The following TTC29 variants were observed in gnomAD, a reference collection of about 807,000 sequenced individuals.
TTC29 encodes the protein tetratricopeptide repeat protein 29.
A neutral mutation model predicts 58.1 loss-of-function variants in TTC29; 49 were observed. The observed-to-expected ratio is 0.84, with a 90% CI of 0.67 to 1.07. TTC29 has a LOEUF of 1.07. Ranked by LOEUF, TTC29 falls within the 50% of genes least tolerant of loss-of-function variation. The probability of loss-of-function intolerance (pLI) is 0.00; values close to 1 mark genes in which losing one functional copy is unlikely to be tolerated. For missense variants in TTC29, 582 were observed against 555.6 expected (o/e 1.05, Z -0.48); for synonymous variants, 209 against 196.8 (o/e 1.06, Z -0.52).
At position 146,728,774 on chromosome 4, in the gene TTC29, CATATATATGTGTAT is replaced by C. The variant is rs1561066079; in HGVS notation, c.1331-21237_1331-21224del. 6.3e-3 allele frequency among the ~76,000 whole-genome samples: 777 copies of C among 124,040 alleles called. 24 individuals carry two copies. Among genetic ancestry groups the C allele is most frequent in the African/African-American group, 0.023 (715 of 31,074 alleles). The allele number at this position is 124,040 out of a possible 152,430, so 81.4% of individuals were successfully genotyped here. ...GAGGATATATGTACATATATATACA[CATATATATGTGTAT>C]ATATACGTATATATACACATATATA... On this transcript the variant is annotated intron_variant, in intron 11 of 12. Transcript: ENST00000325106.
At chr4:146,865,071 C>T (rs1018185559) in intron 8 of TTC29, among the ~76,000 whole-genome samples, 1 of 152,146 alleles carries the variant, frequency 6.6e-6, no homozygotes, top group Admixed American at 6.5e-5. Flanking sequence ...GGGACTTAAG[C>T]TTCACATATA....
chr4:146,835,628 G>C (rs1157819899), intron 8 of TTC29, among the ~76,000 whole-genome samples: 3 of 151,986 alleles, frequency 2.0e-5, no homozygotes, highest in Non-Finnish European at 4.4e-5. Context: ...AACCCTCAAG[G>C]CATTTACAGT....
At chr4:146,860,883 C>A (rs1730188018) in intron 8 of TTC29, among the ~76,000 whole-genome samples, 1 of 152,084 alleles carries the variant, frequency 6.6e-6, no homozygotes, top group Non-Finnish European at 1.5e-5. Context: ...TAGAAGCATT[C>A]TAAACTGTTA....
intron 4 of TTC29, among the ~76,000 whole-genome samples, chr4:146,922,257 TAA>T (rs57324993): frequency 2.0e-5 from 3 of 149,010 alleles, no homozygotes; most frequent in African/African-American, 7.4e-5. Context: ...CTCAGGATGA[TAA>T]AAAAAAACCC....
intron 8 of TTC29, among the ~76,000 whole-genome samples, chr4:146,863,638 C>T (rs1411966046): frequency 1.3e-5 from 2 of 152,106 alleles, no homozygotes; most frequent in East Asian, 3.9e-4. Context: ...AGATTTGTTA[C>T]TTATTGTAAG....
intron 11 of TTC29, among the ~76,000 whole-genome samples, chr4:146,757,200 G>C (rs1302886989): frequency 6.6e-6 from 1 of 151,042 alleles, no homozygotes; most frequent in East Asian, 2.0e-4. Context: ...GCTGTTGTTC[G>C]GATTTTTTTT....
chr4:146,843,294 T>G (rs894500676), intron 8 of TTC29, among the ~76,000 whole-genome samples: 83 of 152,318 alleles, frequency 5.4e-4, no homozygotes, highest in African/African-American at 2.0e-3. Flanking sequence ...CTGAGGACAA[T>G]TAGGGATGTC....
chr4:146,931,899 G>A (rs1341590443), intron 4 of TTC29, among the ~76,000 whole-genome samples: 4 of 151,734 alleles, frequency 2.6e-5, no homozygotes, highest in Non-Finnish European at 5.9e-5. Context: ...GTCTTGTTTT[G>A]TTTTTAAAAA....
intron 11 of TTC29, among the ~76,000 whole-genome samples, chr4:146,773,706 T>G (rs1267092664): frequency 6.6e-6 from 1 of 152,062 alleles, no homozygotes; most frequent in Admixed American, 6.6e-5. Flanking sequence ...TTCTCTTTTT[T>G]TGTGTATATC....
chr4:146,828,848 C>T (rs748455870), intron 9 of TTC29, among the ~76,000 whole-genome samples: 2 of 152,110 alleles, frequency 1.3e-5, no homozygotes, highest in Non-Finnish European at 2.9e-5. Flanking sequence ...GGTCTACAGC[C>T]AGCAAACTTG....
intron 11 of TTC29, among the ~76,000 whole-genome samples, chr4:146,708,484 T>C (rs115465672): frequency 6.7e-6 from 1 of 150,362 alleles, no homozygotes; most frequent in South Asian, 2.1e-4. Flanking sequence ...TATATGTAGA[T>C]ATATGTGTAT....
chr4:146,843,157 A>C (rs1728952571), intron 8 of TTC29, among the ~76,000 whole-genome samples: 1 of 152,174 alleles, frequency 6.6e-6, no homozygotes, highest in African/African-American at 2.4e-5. Context: ...GGTGGAAGAT[A>C]ATACACATGA....
At chr4:146,836,732 G>A (rs1342860563) in intron 8 of TTC29, among the ~76,000 whole-genome samples, 1 of 152,008 alleles carries the variant, frequency 6.6e-6, no homozygotes, top group Non-Finnish European at 1.5e-5. Flanking sequence ...TTGCCAACAT[G>A]CATATGGAAA....
At chr4:146,720,732 T>A (rs1314494932) in intron 11 of TTC29, among the ~76,000 whole-genome samples, 1 of 152,144 alleles carries the variant, frequency 6.6e-6, no homozygotes, top group Non-Finnish European at 1.5e-5. Flanking sequence ...TGACTAAGCA[T>A]ATTTTTTATT....
intron 11 of TTC29, among the ~76,000 whole-genome samples, chr4:146,787,880 A>G (rs1209017048): frequency 7.2e-6 from 1 of 139,500 alleles, no homozygotes; most frequent in Non-Finnish European, 1.5e-5. Flanking sequence ...GTCGGTCACC[A>G]GCTGCCAATC....
At chr4:146,884,095 A>T (rs539518756) in intron 6 of TTC29, among the ~76,000 whole-genome samples, 1 of 152,248 alleles carries the variant, frequency 6.6e-6, no homozygotes, top group East Asian at 1.9e-4. Flanking sequence ...TTCATTAAAT[A>T]CTATAAGGTC....
chr4:146,885,870 A>G (rs1325151956), intron 6 of TTC29, among the ~76,000 whole-genome samples: 2 of 152,098 alleles, frequency 1.3e-5, no homozygotes, highest in African/African-American at 4.8e-5. Flanking sequence ...TTTTGTCCCT[A>G]TTATAAGAAG....
chr4:146,778,563 AT>A (rs1230813128), intron 11 of TTC29, among the ~76,000 whole-genome samples: 3 of 152,110 alleles, frequency 2.0e-5, no homozygotes, highest in Non-Finnish European at 4.4e-5. Context: ...GTGTTTTCCT[AT>A]TGTTAGAAAT....
chr4:146,778,711 G>T (rs2150083932), intron 11 of TTC29, among the ~76,000 whole-genome samples: 2 of 152,170 alleles, frequency 1.3e-5, no homozygotes, highest in South Asian at 4.1e-4. Context: ...TGTGAAAGCA[G>T]TTTTGAAATC....
Sources: allele counts gnomAD v4.1 joint callset (sites outside exome capture counted in the v4.1 genomes callset), GRCh38; gene constraint gnomAD v4.1.1; transcripts MANE v1.5; gene names NCBI Gene and HGNC (gene_info 2026-07-23, HGNC 2026-07-21).